Variants in SLC28A1 observed in about 807,000 individuals in gnomAD.
The protein encoded by SLC28A1 is solute carrier family 28 member 1, also known as sodium/nucleoside cotransporter 1.
SLC28A1 carries 64 observed loss-of-function variants against 74.8 expected under a neutral mutation model. That is an observed-to-expected ratio of 0.86 (90% CI 0.70 to 1.05). SLC28A1 has a LOEUF of 1.05. Ranked by LOEUF, SLC28A1 falls within the 50% of genes least tolerant of loss-of-function variation. The pLI is 0.00. For synonymous variants in SLC28A1, 359 were observed against 335.0 expected (o/e 1.07, Z -0.78); for missense variants, 828 against 822.8 (o/e 1.01, Z -0.08).
At chr15:84,887,694 C>G (rs949713065) in intron 2 of SLC28A1, 51 bp from the exon 3 acceptor site, 2 of 1,590,912 alleles carry the variant, frequency 1.3e-6, no homozygotes, top group African/African-American at 2.7e-5. Context: ...CTAAACTGGG[C>G]CCTGCCCGGC....
chr15:84,892,445 C>A (rs770363040), intron 5 of SLC28A1, among the ~76,000 whole-genome samples: 4 of 152,102 alleles, frequency 2.6e-5, no homozygotes, highest in Non-Finnish European at 4.4e-5. Flanking sequence ...TCCTTGGCTG[C>A]CTCCTTCACT....
At chr15:84,890,640 T>A in intron 5 of SLC28A1, 106 bp downstream of exon 5, 2 of 940,414 alleles carry the variant, frequency 2.1e-6, no homozygotes, top group Non-Finnish European at 3.3e-6. Flanking sequence ...CAAATGGTTG[T>A]TGAGCACCAA....
downstream of SLC28A1, among the ~76,000 whole-genome samples, chr15:84,947,829 G>A (rs888131837): frequency 6.6e-6 from 1 of 152,180 alleles, no homozygotes; most frequent in Admixed American, 6.5e-5. Context: ...TTCAGCATAT[G>A]AACTTTGAGG....
At chr15:84,921,126 G>C in intron 11 of SLC28A1, 57 bp downstream of exon 11, 1 of 1,302,388 alleles carries the variant, frequency 7.7e-7, no homozygotes, top group East Asian at 2.3e-5. Flanking sequence ...AAAGAGGGCA[G>C]TTTCCCTGGA....
chr15:84,904,273 G>GT lies in SLC28A1; in HGVS notation c.603+38dup, dbSNP rs1567136249. 3 of 1,612,268 alleles carry GT rather than the reference G, an allele frequency of 1.9e-6. No homozygotes were observed. The Admixed American group carries it at 5.0e-5, about 27-fold the overall frequency. On this transcript the variant is annotated intron_variant, in intron 7 of 18. Coordinates refer to ENST00000394573, the MANE Select transcript of SLC28A1 (RefSeq NM_004213.5). ...AGTTGTGGGGCCCAGGGCTGGAAGTGTTTGCCTCTCTCTTCTGCCCCTAGG... is the reference window on the plus strand; with the variant it reads ...AGTTGTGGGGCCCAGGGCTGGAAGTGTTTTGCCTCTCTCTTCTGCCCCTAGG...
At chr15:84,936,075 C>G (rs1971889974) in intron 15 of SLC28A1, among the ~76,000 whole-genome samples, 1 of 150,222 alleles carries the variant, frequency 6.7e-6, no homozygotes, top group Admixed American at 6.6e-5. Flanking sequence ...CTGCCTCAGC[C>G]TCTCCAAGTA....
intron 9 of SLC28A1, among the ~76,000 whole-genome samples, chr15:84,912,006 ACCAG>A (rs1346168407): frequency 1.3e-5 from 2 of 152,196 alleles, no homozygotes; most frequent in African/African-American, 4.8e-5. Flanking sequence ...CCAGCGAAAC[ACCAG>A]CAGTTTCCTG....
intron 9 of SLC28A1, among the ~76,000 whole-genome samples, 159 bp from the exon 10 acceptor site, chr15:84,918,365 C>T (rs1969391759): frequency 1.3e-5 from 2 of 152,108 alleles, no homozygotes; most frequent in Admixed American, 6.6e-5. Flanking sequence ...AACCCTGGGA[C>T]TTCATGCACT....
At chr15:84,888,379 T>G (rs1964855132) in intron 3 of SLC28A1, among the ~76,000 whole-genome samples, 2 of 151,954 alleles carry the variant, frequency 1.3e-5, no homozygotes, top group South Asian at 4.2e-4. Context: ...CCTTTCACGC[T>G]GTCATATGCA....
intron 12 of SLC28A1, 116 bp downstream of exon 12, chr15:84,924,226 G>C: frequency 1.6e-6 from 2 of 1,268,504 alleles, no homozygotes; most frequent in Non-Finnish European, 2.3e-6. Context: ...TGGGCCTGCT[G>C]TGCTGGCAAG....
rs76703727 is a variant in SLC28A1, at chr15:84,924,271, C to A, written c.1083+161C>A. On this transcript the variant is annotated intron_variant, in intron 12 of 18. Transcript: ENST00000394573. The stretch of plus-strand genomic sequence containing the variant: ...TTCCCCTGAGCCCAGTGGGCTGGAC[C>A]ATTTGCTCGGGCTTTGCGCATGGCC... Among the ~76,000 whole-genome samples the A allele has an allele frequency of 1.8e-4, 27 of 152,040 alleles. No homozygotes were observed. In the East Asian group the frequency reaches 5.3e-3, roughly 30 times the overall value.
the SLC28A1 span, among the ~76,000 whole-genome samples, chr15:84,953,263 A>G: frequency 6.6e-6 from 1 of 152,206 alleles, no homozygotes; most frequent in South Asian, 2.1e-4. Context: ...GAGAAAGTCT[A>G]ATGGCTGGTA....
chr15:84,961,442 C>G, the SLC28A1 span: 2 of 448,376 alleles, frequency 4.5e-6, no homozygotes, highest in Non-Finnish European at 8.9e-6. Flanking sequence ...AGGGATCTTC[C>G]TACCTCAGTC....
chr15:84,898,535 C>T (rs952854261), intron 6 of SLC28A1, among the ~76,000 whole-genome samples: 3 of 151,016 alleles, frequency 2.0e-5, no homozygotes, highest in Non-Finnish European at 2.9e-5. Flanking sequence ...GCTGAGATCT[C>T]GCCACTGCAC....
Position 84,933,174 on chromosome 15 carries a change from T to C in SLC28A1, c.1113T>C (p.Ser371=), listed in dbSNP as rs143412159. 3 of 1,613,712 alleles carry C rather than the reference T, an allele frequency of 1.9e-6. No homozygotes were observed. The highest frequency in any genetic ancestry group is 2.5e-6 in the Non-Finnish European group (3 of 1,179,750). The change falls in exon 13 of 19, where the codon TCT becomes TCC. Residue 371 remains serine, a synonymous_variant. Coordinates refer to ENST00000394573, the MANE Select transcript of SLC28A1 (RefSeq NM_004213.5). ...ATGCCACCTCGTTGATTGCAGCCTC[T>C]GTGATGGCTGCCCCTTGTGCCTTGG... ...GIDATSLIAA[S]VMAAPCALAL...
At position 84,897,311 on chromosome 15, in the gene SLC28A1, G is replaced by A. The variant is rs565200690; in HGVS notation, c.461+2188G>A. 7.3e-5 allele frequency among the ~76,000 whole-genome samples: 11 copies of A among 151,606 alleles called. No homozygotes were observed. In the South Asian group the frequency reaches 1.3e-3, roughly 17 times the overall value. ...AGAGGCAAGAGAATCACTTGAACCC[G>A]GGAGGCAGAGGTTGCAGTGAGCCAA... On this transcript the variant is annotated intron_variant, in intron 6 of 18. Coordinates refer to ENST00000394573, the MANE Select transcript of SLC28A1 (RefSeq NM_004213.5).
At chr15:84,933,093 G>T in intron 12 of SLC28A1, 52 bp from the exon 13 acceptor site, 1 of 1,605,488 alleles carries the variant, frequency 6.2e-7, no homozygotes. Context: ...CTCCTTGGTC[G>T]CCAGCATTTC....
At chr15:84,975,229 C>T in the SLC28A1 span, among the ~76,000 whole-genome samples, 1 of 152,210 alleles carries the variant, frequency 6.6e-6, no homozygotes, top group African/African-American at 2.4e-5. Flanking sequence ...AGCAGTGACA[C>T]ATACTTTTTT....
chr15:84,924,135 G>T (rs1199971201), intron 12 of SLC28A1, 25 bp downstream of exon 12: 2 of 1,608,216 alleles, frequency 1.2e-6, no homozygotes, highest in Non-Finnish European at 1.7e-6. Flanking sequence ...CCTTCTGCTT[G>T]GCTATGTTGA....
Sources: allele counts gnomAD v4.1 joint callset (sites outside exome capture counted in the v4.1 genomes callset), GRCh38; gene constraint gnomAD v4.1.1; transcripts MANE v1.5; gene names NCBI Gene and HGNC (gene_info 2026-07-23, HGNC 2026-07-21).